Variants in CNTN5 observed in about 807,000 individuals in gnomAD.
CNTN5 encodes the protein contactin 5.
In CNTN5, 77 loss-of-function variants were observed where a neutral mutation model predicts 129.1. That is an observed-to-expected ratio of 0.60 (90% CI 0.50 to 0.72). The LOEUF (loss-of-function observed/expected upper bound fraction) is 0.72, where lower values mean the gene tolerates loss of function less well. CNTN5 is among the 30% of genes least tolerant of loss of function. CNTN5 has a pLI of 0.00. For missense variants in CNTN5, 1,478 were observed against 1,328.8 expected, an observed-to-expected ratio of 1.11 and a Z score of -1.75; for synonymous variants, 509 against 465.6, an observed-to-expected ratio of 1.09 and a Z score of -1.20.
chr11:99,744,686 C>CTACAGCCT (rs1287785178), intron 3 of CNTN5, among the ~76,000 whole-genome samples: 2 of 143,862 alleles, frequency 1.4e-5, no homozygotes, highest in East Asian at 4.1e-4. Context: ...TGCCACTGCA[C>CTACAGCCT]TACAGCCTGG....
rs181862773 is a variant in CNTN5, at chr11:100,039,319, A to G, written c.981-21893A>G. Among the ~76,000 whole-genome samples, 515 of 152,264 alleles carry G rather than the reference A, an allele frequency of 3.4e-3. 3 individuals are homozygous for G. The highest frequency in any genetic ancestry group is 5.9e-3 in the Non-Finnish European group (403 of 68,030). The stretch of plus-strand genomic sequence containing the variant: ...GCCCCCACTCTCTTCTGGCTTGTAG[A>G]GTTTCTGCCCAGAGATCAGCTGTTT... On this transcript the variant is annotated intron_variant, in intron 9 of 24. Coordinates refer to ENST00000524871, the MANE Select transcript of CNTN5 (RefSeq NM_014361.4).
chr11:100,294,081 C>A (rs1284934772), intron 18 of CNTN5, among the ~76,000 whole-genome samples: 3 of 151,680 alleles, frequency 2.0e-5, no homozygotes. Flanking sequence ...TGCCAGATAA[C>A]CATTAAGCTC....
chr11:100,137,648 G>T (rs1946569120), intron 13 of CNTN5, among the ~76,000 whole-genome samples: 1 of 152,032 alleles, frequency 6.6e-6, no homozygotes, highest in African/African-American at 2.4e-5. Flanking sequence ...ACAAAACCTG[G>T]AATCTAGTCA....
chr11:99,829,873 G>A (rs981226410), intron 4 of CNTN5, among the ~76,000 whole-genome samples: 16 of 152,064 alleles, frequency 1.1e-4, no homozygotes, highest in Non-Finnish European at 2.4e-4. Context: ...ATATGCTTTC[G>A]GGGGACATAG....
intron 3 of CNTN5, among the ~76,000 whole-genome samples, chr11:99,784,783 G>A (rs1039128863): frequency 1.2e-4 from 18 of 144,678 alleles, no homozygotes; most frequent in African/African-American, 1.8e-4. Flanking sequence ...GTGTGAGATG[G>A]TATCTCATTG....
At position 99,570,970 on chromosome 11, in the gene CNTN5, A is replaced by G. The variant is rs150524815; in HGVS notation, c.55+14701A>G. 2.5e-3 allele frequency among the ~76,000 whole-genome samples: 378 copies of G among 152,280 alleles called. 3 individuals carry two copies. The highest frequency in any genetic ancestry group is 8.6e-3 in the African/African-American group (356 of 41,574). On this transcript the variant is annotated intron_variant, in intron 3 of 24. Coordinates refer to ENST00000524871, the MANE Select transcript of CNTN5 (RefSeq NM_014361.4). Reference sequence around the variant, plus strand: ...TCAAAACCCTCAAAAGGAAACAGATACTGTACATAAAGAATAACTAATACA... The same window carrying G: ...TCAAAACCCTCAAAAGGAAACAGATGCTGTACATAAAGAATAACTAATACA...
chr11:99,442,658 G>A (rs1480768704), intron 2 of CNTN5, among the ~76,000 whole-genome samples: 1 of 152,154 alleles, frequency 6.6e-6, no homozygotes, highest in African/African-American at 2.4e-5. Context: ...CTGCAATAAA[G>A]GCTAGAACAA....
At chr11:100,002,839 GTGT>G (rs1331475549) in intron 9 of CNTN5, among the ~76,000 whole-genome samples, 4 of 134,876 alleles carry the variant, frequency 3.0e-5, no homozygotes, top group Non-Finnish European at 6.2e-5. Flanking sequence ...TTTAAACAGA[GTGT>G]TGTTTTCTTT....
chr11:99,375,917 C>A (rs924292922), intron 2 of CNTN5, among the ~76,000 whole-genome samples: 1 of 152,000 alleles, frequency 6.6e-6, no homozygotes, highest in East Asian at 1.9e-4. Context: ...AAAATTATAA[C>A]CATATTTAAT....
chr11:99,070,605 C>G (rs2064152300), intron 1 of CNTN5, among the ~76,000 whole-genome samples: 5 of 151,836 alleles, frequency 3.3e-5, no homozygotes, highest in Admixed American at 3.3e-4. Context: ...ATACATGCTT[C>G]TAATTAAGTA....
intron 2 of CNTN5, among the ~76,000 whole-genome samples, chr11:99,529,238 G>A (rs558232313): frequency 5.1e-4 from 77 of 152,218 alleles, no homozygotes; most frequent in South Asian, 3.1e-3. Flanking sequence ...ACTCAGGTTC[G>A]CACACTAGTC....
intron 9 of CNTN5, among the ~76,000 whole-genome samples, chr11:100,009,080 C>G (rs1591046408): frequency 2.6e-5 from 4 of 152,156 alleles, no homozygotes; most frequent in Middle Eastern, 3.4e-3. Flanking sequence ...TCAAATTTTA[C>G]TATATTTTGA....
chr11:100,246,280 A>G (rs964377507), intron 16 of CNTN5, among the ~76,000 whole-genome samples: 3 of 152,172 alleles, frequency 2.0e-5, no homozygotes, highest in Admixed American at 6.6e-5. Context: ...GGTTGACATT[A>G]TCATTCTCTT....
chr11:100,262,904 G>A (rs932958902), intron 17 of CNTN5, among the ~76,000 whole-genome samples: 11 of 152,124 alleles, frequency 7.2e-5, no homozygotes, highest in South Asian at 4.2e-4. Flanking sequence ...AAACCTGCAC[G>A]TTCTACACAT....
intron 13 of CNTN5, among the ~76,000 whole-genome samples, chr11:100,119,634 A>G (rs1945949988): frequency 6.6e-6 from 1 of 151,952 alleles, no homozygotes. Flanking sequence ...AAGATTATGG[A>G]AGAATATAGA....
chr11:100,320,785 T>C (rs1459079791), intron 21 of CNTN5, among the ~76,000 whole-genome samples: 1 of 152,164 alleles, frequency 6.6e-6, no homozygotes, highest in Non-Finnish European at 1.5e-5. Context: ...GGATATCCAG[T>C]TTTTGCAGAA....
At chr11:100,343,029 T>A (rs1017982802) in intron 23 of CNTN5, among the ~76,000 whole-genome samples, 4 of 152,204 alleles carry the variant, frequency 2.6e-5, no homozygotes, top group African/African-American at 2.4e-5. Context: ...GCATATAAAA[T>A]GTTCTCATTA....
At chr11:99,579,674 T>A (rs1949501524) in intron 3 of CNTN5, among the ~76,000 whole-genome samples, 1 of 137,424 alleles carries the variant, frequency 7.3e-6, no homozygotes, top group African/African-American at 2.8e-5. Flanking sequence ...TTTTGCACAT[T>A]GATTTTGTAT....
At chr11:99,681,272 A>G (rs982891906) in intron 3 of CNTN5, among the ~76,000 whole-genome samples, 6 of 152,108 alleles carry the variant, frequency 3.9e-5, no homozygotes, top group Admixed American at 1.3e-4. Flanking sequence ...ATTGATTCCA[A>G]TTCTGAAAGA....
Sources: gnomAD v4.1 joint callset for allele counts (sites outside exome capture counted in the v4.1 genomes callset) on GRCh38, gnomAD v4.1.1 for gene constraint, MANE v1.5 for transcripts, NCBI Gene and HGNC (gene_info 2026-07-23, HGNC 2026-07-21) for gene names.